Variants in BCL11A observed in about 807,000 individuals in gnomAD.
BCL11A encodes the protein B cell CLL/lymphoma 11A.
BCL11A carries 2 observed loss-of-function variants against 55.9 expected under a neutral mutation model. The observed-to-expected ratio is 0.04, with a 90% CI of 0.01 to 0.11. BCL11A has a LOEUF of 0.11. Ranked by LOEUF, BCL11A falls within the 10% of genes least tolerant of loss-of-function variation. BCL11A has a pLI of 1.00. For synonymous variants in BCL11A, 465 were observed against 473.4 expected, an observed-to-expected ratio of 0.98 and a Z score of 0.23; for missense variants, 817 against 1,137.1, an observed-to-expected ratio of 0.72 and a Z score of 4.05.
rs373994934 is a variant in BCL11A, at chr2:60,461,538, G to A, written c.1374C>T (p.Ser458=). 79 of 1,609,448 alleles carry A rather than the reference G, an allele frequency of 4.9e-5. No homozygotes were observed. Among genetic ancestry groups the A allele is most frequent in the Non-Finnish European group, 6.2e-5 (73 of 1,180,004 alleles). ...CCACGGACTTGAGCGCGCTGCTGGC[G>A]CTGCCCACCAAGTCGCTGGTGCCGG... ...PEPGTSDLVG[S]ASSALKSVVA... Residue 458 remains serine (S), a synonymous_variant, in exon 4 of 4, where the codon AGC becomes AGT. Coordinates refer to ENST00000642384, the MANE Select transcript of BCL11A (RefSeq NM_022893.4).
At chr2:60,456,542 T>G (rs1675941636), downstream of BCL11A, among the ~76,000 whole-genome samples, 1 of 152,184 alleles carries the variant, frequency 6.6e-6, no homozygotes, top group Non-Finnish European at 1.5e-5. Flanking sequence ...AGGAAATCAG[T>G]GGCTGATTCC....
intron 2 of BCL11A, among the ~76,000 whole-genome samples, chr2:60,497,601 G>C (rs956781411): frequency 1.7e-5 from 2 of 121,038 alleles, no homozygotes; most frequent in Non-Finnish European, 3.4e-5. Flanking sequence ...ATCCTATAAT[G>C]GTGATGATAA....
chr2:60,468,034 G>A (rs1182326721), intron 3 of BCL11A, among the ~76,000 whole-genome samples: 3 of 146,302 alleles, frequency 2.1e-5, no homozygotes, highest in Admixed American at 6.7e-5. Flanking sequence ...TAGTGGTGGT[G>A]ATGGTGGTGA....
At chr2:60,494,952 G>C (rs1042316603) in intron 2 of BCL11A, among the ~76,000 whole-genome samples, 1 of 152,178 alleles carries the variant, frequency 6.6e-6, no homozygotes, top group African/African-American at 2.4e-5. Context: ...TAACACAGTA[G>C]CTGGTACCTG....
intron 2 of BCL11A, chr2:60,542,846 T>A (rs1157110859): frequency 6.6e-6 from 1 of 152,170 alleles, no homozygotes; most frequent in South Asian, 2.1e-4. Context: ...CTGGCCAACA[T>A]GGTGAAACCC....
At chr2:60,527,413 G>A (rs141450091) in intron 2 of BCL11A, 8 of 152,436 alleles carry the variant, frequency 5.2e-5, no homozygotes, top group African/African-American at 1.9e-4. Flanking sequence ...AGGGTATGTA[G>A]AGACAATGAA....
At chr2:60,526,560 G>T (rs1172681638) in intron 2 of BCL11A, 1 of 152,110 alleles carries the variant, frequency 6.6e-6, no homozygotes, top group Non-Finnish European at 1.5e-5. Flanking sequence ...TTTGCATCAG[G>T]GACAAATGAG....
chr2:60,491,840 T>G (rs968689830), intron 2 of BCL11A, among the ~76,000 whole-genome samples: 1 of 152,148 alleles, frequency 6.6e-6, no homozygotes, highest in Non-Finnish European at 1.5e-5. Context: ...TTTTCCATGT[T>G]AAGAACCCAA....
chr2:60,493,922 G>A (rs1678796907), intron 2 of BCL11A, among the ~76,000 whole-genome samples: 1 of 152,182 alleles, frequency 6.6e-6, no homozygotes, highest in Non-Finnish European at 1.5e-5. Flanking sequence ...AAGGACCCCT[G>A]GGGGAGACAG....
intron 2 of BCL11A, among the ~76,000 whole-genome samples, chr2:60,520,285 G>A (rs1015201471): frequency 2.0e-5 from 3 of 152,004 alleles, no homozygotes; most frequent in African/African-American, 4.8e-5. Context: ...CTCTTCTGCA[G>A]GTTTTGTTTA....
At chr2:60,537,888 G>C (rs1014966828) in intron 2 of BCL11A, 2 of 152,148 alleles carry the variant, frequency 1.3e-5, no homozygotes, top group African/African-American at 4.8e-5. Context: ...TATTTTAATG[G>C]GAGTTTTTAA....
At position 60,458,993 on chromosome 2, in the gene BCL11A, C is replaced by A. The variant is rs781622015; in HGVS notation, c.*1411G>T. On this transcript the variant is annotated 3_prime_UTR_variant, in exon 4 of 4. Coordinates refer to ENST00000642384, the MANE Select transcript of BCL11A (RefSeq NM_022893.4). ...CATATATACTGCTACTCTTAAAATT[C>A]TTTCTCTTCTTTTTTTAAGAATGTC... 18 of 1,029,118 alleles carry A rather than the reference C, an allele frequency of 1.7e-5. No individual in the cohort carries two copies. Among genetic ancestry groups the A allele is most frequent in the Non-Finnish European group, 1.9e-5 (16 of 855,000 alleles). 63.7% of individuals were successfully genotyped at this position (1,029,118 alleles called of 1,614,324 possible).
downstream of BCL11A, chr2:60,457,174 G>A: frequency 2.3e-6 from 2 of 874,026 alleles, no homozygotes; most frequent in Non-Finnish European, 2.8e-6. Flanking sequence ...GTCAAATGAG[G>A]ACACAAGAAG....
rs968713245 is a variant in BCL11A, at chr2:60,459,114, A to C, written c.*1290T>G. Reference sequence around the variant, plus strand: ...CTAGTTTTAAATGGCAAATAGTACCACGTTGTGCTAATAAATCATATTATT... The same window carrying C: ...CTAGTTTTAAATGGCAAATAGTACCCCGTTGTGCTAATAAATCATATTATT... On this transcript the variant is annotated 3_prime_UTR_variant, in exon 4 of 4. Transcript: ENST00000642384. 6 of 1,022,008 alleles carry C rather than the reference A, an allele frequency of 5.9e-6. No individual in the cohort carries two copies. The highest frequency in any genetic ancestry group is 7.1e-6 in the Non-Finnish European group (6 of 850,906). The allele number at this position is 1,022,008 out of a possible 1,614,324, so 63.3% of individuals were successfully genotyped here. A position where few individuals can be genotyped will look rare whatever the true frequency, so the allele number is the denominator to read the frequency against.
At chr2:60,480,088 GA>G (rs1677868279) in intron 2 of BCL11A, among the ~76,000 whole-genome samples, 1 of 152,182 alleles carries the variant, frequency 6.6e-6, no homozygotes, top group South Asian at 2.1e-4. Flanking sequence ...TCCCCGGGAG[GA>G]GGCCCCACTG....
At chr2:60,503,428 C>T (rs944743089) in intron 2 of BCL11A, among the ~76,000 whole-genome samples, 1 of 152,250 alleles carries the variant, frequency 6.6e-6, no homozygotes, top group Non-Finnish European at 1.5e-5. Context: ...AGACAGTAGG[C>T]TATTGCTTCC....
In BCL11A at chr2:60,511,534, CT is replaced by C. The variant is rs1220286575; in HGVS notation, c.385+34436del. 5.9e-5 allele frequency among the ~76,000 whole-genome samples: 9 copies of C among 151,784 alleles called. No individual in the cohort carries two copies. The East Asian group carries it at 1.5e-3, about 26-fold the overall frequency. On this transcript the variant is annotated intron_variant, in intron 2 of 3. Transcript: ENST00000642384. ...TATTTCCCTCTGATTTCTGACAGTT[CT>C]TTTTTTTTCCTTCTTCTTTTTTGGG...
At chr2:60,452,528 G>GAC (rs766039372), downstream of BCL11A, 1 of 1,471,230 alleles carries the variant, frequency 6.8e-7, no homozygotes, top group East Asian at 2.3e-5. Flanking sequence ...CGCTGACGTC[G>GAC]ACTGGGCGGC....
intron 2 of BCL11A, among the ~76,000 whole-genome samples, chr2:60,507,250 AGGGG>A (rs1679665885): frequency 7.7e-4 from 1 of 1,304 alleles, no homozygotes; most frequent in Non-Finnish European, 1.3e-3. Flanking sequence ...GAGGGAGGGG[AGGGG>A]AGGGGAGGGG....
Sources: gnomAD v4.1 joint callset for allele counts (sites outside exome capture counted in the v4.1 genomes callset) on GRCh38, gnomAD v4.1.1 for gene constraint, MANE v1.5 for transcripts, NCBI Gene and HGNC (gene_info 2026-07-23, HGNC 2026-07-21) for gene names.